Variants in ADAM2 observed in about 807,000 individuals in gnomAD.
ADAM2 encodes ADAM metallopeptidase domain 2, also known as disintegrin and metalloproteinase domain-containing protein 2.
A neutral mutation model predicts 99.3 loss-of-function variants in ADAM2; 101 were observed. That is an observed-to-expected ratio of 1.02 (90% CI 0.87 to 1.20). The LOEUF is 1.20. Ranked by LOEUF, ADAM2 falls within the 50% of genes most tolerant of loss-of-function variation. The pLI is 0.00. For missense variants in ADAM2, 948 were observed against 878.7 expected (o/e 1.08, Z -1.00); for synonymous variants, 323 against 287.6 (o/e 1.12, Z -1.25).
intron 7 of ADAM2, among the ~76,000 whole-genome samples, chr8:39,799,425 G>C (rs1586121314): frequency 6.6e-6 from 1 of 152,150 alleles, no homozygotes; most frequent in Non-Finnish European, 1.5e-5. Context: ...CAGTTCTTTT[G>C]CATTTGCAGA....
chr8:39,824,743 A>C (rs1029106789), intron 4 of ADAM2, 76 bp downstream of exon 4: 2 of 800,290 alleles, frequency 2.5e-6, no homozygotes, highest in Non-Finnish European at 4.3e-6. Flanking sequence ...TTTAGACTCT[A>C]ATAACATGTG....
chr8:39,749,528 T>C, intron 17 of ADAM2, 78 bp from the exon 18 acceptor site: 3 of 1,528,496 alleles, frequency 2.0e-6, no homozygotes, highest in East Asian at 2.3e-5. Flanking sequence ...TAAAATAATA[T>C]GTAGGTCAGC....
rs770804618 is a variant in ADAM2 at position 39,838,159 on chromosome 8, G to A, written c.27C>T (p.Ser9=). 4.3e-6 allele frequency: 7 copies of A among 1,614,096 alleles called. No individual in the cohort carries two copies. The highest frequency in any genetic ancestry group is 1.7e-4 in the Middle Eastern group (1 of 6,058). Residue 9 remains serine (S), a synonymous_variant, in exon 1 of 21, where the codon AGC becomes AGT. Coordinates refer to ENST00000265708, the MANE Select transcript of ADAM2 (RefSeq NM_001464.5). ...TGTCCATCCGCAGCCCGCCGAGCCCGCTGAGCAGAAACAAGACGCGCCACA... is the reference window on the plus strand; with the variant it reads ...TGTCCATCCGCAGCCCGCCGAGCCCACTGAGCAGAAACAAGACGCGCCACA... MWRVLFLL[S]GLGGLRMDSN...
chr8:39,824,274 C>CA (rs201545294), intron 4 of ADAM2, among the ~76,000 whole-genome samples: 22,457 of 83,154 alleles, frequency 0.27, 2,338 homozygotes, highest in Non-Finnish European at 0.3. Flanking sequence ...AACTCTATCT[C>CA]AAAAAAAAAA....
intron 6 of ADAM2, chr8:39,818,165 GA>G (rs1352759185): frequency 1.3e-5 from 2 of 151,822 alleles, no homozygotes; most frequent in Non-Finnish European, 2.9e-5. Flanking sequence ...AAATATAAAT[GA>G]AAAAAATCTT....
chr8:39,808,189 TACAC>T (rs144114156), intron 7 of ADAM2, among the ~76,000 whole-genome samples: 4,371 of 146,072 alleles, frequency 0.03, 200 homozygotes, highest in African/African-American at 0.1. Flanking sequence ...TCCTAAGGAA[TACAC>T]ACACACACAC....
chr8:39,749,364 C>A lies in ADAM2; in HGVS notation c.1962G>T (p.Gly654=). 1 of 1,613,152 alleles carries A rather than the reference C, an allele frequency of 6.2e-7. No homozygotes were observed. The highest frequency in any genetic ancestry group is 8.5e-7 in the Non-Finnish European group (1 of 1,179,404). ...GTGGAAAATTGCCACTGTCAATACT[C>A]CCACCAGGCCATAGATCTGATTGAA... ...CSVQSDLWPG[G]SIDSGNFPPV... is the part of the protein sequence containing the mutation. The change falls in exon 18 of 21, where the codon GGG becomes GGT. Residue 654 remains glycine, a synonymous_variant. Transcript: ENST00000265708.
Position 39,816,599 on chromosome 8 carries a change from C to A in ADAM2, c.513+4403G>T, listed in dbSNP as rs74629600. On this transcript the variant is annotated intron_variant, in intron 6 of 20. Coordinates refer to ENST00000265708, the MANE Select transcript of ADAM2 (RefSeq NM_001464.5). Reference sequence around the variant, plus strand: ...TATGACCACGAGTGGTATATTTATACCCAGGCACATGTTATTCAGCCATAA... The same window carrying A: ...TATGACCACGAGTGGTATATTTATAACCAGGCACATGTTATTCAGCCATAA... Among the ~76,000 whole-genome samples the A allele has an allele frequency of 4.9e-3, 753 of 152,212 alleles. 4 individuals are homozygous for A. The highest frequency in any genetic ancestry group is 0.017 in the African/African-American group (718 of 41,532).
chr8:39,834,666 C>T lies in ADAM2; in HGVS notation c.133-667G>A, dbSNP rs564597416. Among the ~76,000 whole-genome samples, 407 of 124,120 alleles carry T rather than the reference C, an allele frequency of 3.3e-3. 1 individual carries two copies. The highest frequency in any genetic ancestry group is 0.012 in the African/African-American group (379 of 32,396). 81.4% of individuals were successfully genotyped at this position (124,120 alleles called of 152,430 possible). The stretch of plus-strand genomic sequence containing the variant: ...GGAGAATCACTTGAACCTTGGGAGG[C>T]GGAGGTTGCAGTGAGCCAAGATCAC... On this transcript the variant is annotated intron_variant, in intron 2 of 20. Coordinates refer to ENST00000265708, the MANE Select transcript of ADAM2 (RefSeq NM_001464.5).
intron 14 of ADAM2, among the ~76,000 whole-genome samples, chr8:39,765,264 G>A: frequency 6.6e-6 from 1 of 152,050 alleles, no homozygotes; most frequent in Non-Finnish European, 1.5e-5. Context: ...GGCATTAAAG[G>A]AAATTGGAAA....
chr8:39,758,639 T>A (rs989033611), intron 15 of ADAM2, among the ~76,000 whole-genome samples: 3 of 151,806 alleles, frequency 2.0e-5, no homozygotes, highest in African/African-American at 4.8e-5. Flanking sequence ...TCAAATACCA[T>A]CTTCTAAGAA....
intron 6 of ADAM2, among the ~76,000 whole-genome samples, chr8:39,811,728 C>T (rs766789728): frequency 5.9e-5 from 9 of 152,166 alleles, no homozygotes; most frequent in African/African-American, 9.7e-5. Context: ...AATTCAACAG[C>T]GCTTCAGGCT....
intron 16 of ADAM2, among the ~76,000 whole-genome samples, chr8:39,753,168 G>C (rs372569016): frequency 7.2e-5 from 11 of 152,218 alleles, no homozygotes; most frequent in African/African-American, 2.7e-4. Flanking sequence ...AATGCGCTTA[G>C]TGATATGAAC....
intron 7 of ADAM2, among the ~76,000 whole-genome samples, chr8:39,791,460 T>A (rs140549255): frequency 1.2e-4 from 18 of 152,144 alleles, no homozygotes; most frequent in Middle Eastern, 3.4e-3. Context: ...AGGATTCTGC[T>A]CTCTGACAGT....
In ADAM2 at chr8:39,769,253, T is replaced by C. The variant is rs1013198006; in HGVS notation, c.1212+139A>G. On this transcript the variant is annotated intron_variant, in intron 12 of 20. Transcript: ENST00000265708. ...TATATATAAGTGCACTCATTAGTTG[T>C]TATAATACCTACATGCCCTCCTGAA... 4 of 627,880 alleles carry C rather than the reference T, an allele frequency of 6.4e-6. No homozygotes were observed. The African/African-American group carries it at 7.3e-5, about 12-fold the overall frequency. The allele number at this position is 627,880 out of a possible 1,614,324, so 38.9% of individuals were successfully genotyped here. A position where few individuals can be genotyped will look rare whatever the true frequency, so the allele number is the denominator to read the frequency against.
At chr8:39,826,736 A>T (rs2129588722) in intron 3 of ADAM2, among the ~76,000 whole-genome samples, 1 of 151,986 alleles carries the variant, frequency 6.6e-6, no homozygotes, top group Middle Eastern at 3.4e-3. Context: ...AAAAAAACCA[A>T]AAAAAACTCA....
At chr8:39,753,727 G>A (rs558143235) in intron 16 of ADAM2, among the ~76,000 whole-genome samples, 1 of 152,150 alleles carries the variant, frequency 6.6e-6, no homozygotes, top group Non-Finnish European at 1.5e-5. Flanking sequence ...CAGCTTTAGA[G>A]GGTGCAAGTA....
chr8:39,766,674 C>T (rs1336495571), intron 14 of ADAM2, among the ~76,000 whole-genome samples, 174 bp downstream of exon 14: 2 of 152,156 alleles, frequency 1.3e-5, no homozygotes, highest in Non-Finnish European at 2.9e-5. Flanking sequence ...TCCCAAAGTG[C>T]TGGGATTACA....
chr8:39,807,427 G>A (rs1013623818), intron 7 of ADAM2, among the ~76,000 whole-genome samples: 3 of 152,132 alleles, frequency 2.0e-5, no homozygotes, highest in South Asian at 2.1e-4. Context: ...TCTGGGAGAA[G>A]GACACGAATA....
Sources: allele counts gnomAD v4.1 joint callset (sites outside exome capture counted in the v4.1 genomes callset), GRCh38; gene constraint gnomAD v4.1.1; transcripts MANE v1.5; gene names NCBI Gene and HGNC (gene_info 2026-07-23, HGNC 2026-07-21).